CRADD: variants seen among roughly 807,000 people sequenced by gnomAD.
CRADD encodes CARD and death domain containing adaptor protein.
CRADD carries 9 observed loss-of-function variants against 15.5 expected under a neutral mutation model. That is an observed-to-expected ratio of 0.58 (90% CI 0.35 to 1.01). The LOEUF is 1.01. CRADD is among the 50% of genes least tolerant of loss of function. CRADD has a pLI of 0.02. For synonymous variants in CRADD, 118 were observed against 107.6 expected (o/e 1.10, Z -0.60); for missense variants, 227 against 250.3 (o/e 0.91, Z 0.63).
At chr12:93,744,200 G>A (rs1306660754) in intron 2 of CRADD, among the ~76,000 whole-genome samples, 2 of 152,218 alleles carry the variant, frequency 1.3e-5, no homozygotes, top group African/African-American at 4.8e-5. Context: ...GGGAGCAGCA[G>A]GCCTGGACTT....
chr12:93,839,590 C>T (rs1293716902), intron 2 of CRADD, among the ~76,000 whole-genome samples: 3 of 152,216 alleles, frequency 2.0e-5, no homozygotes, highest in Admixed American at 6.5e-5. Flanking sequence ...CTCTACATCA[C>T]GTCCCAGCCT....
chr12:93,781,693 C>G (rs1240431124), intron 2 of CRADD, among the ~76,000 whole-genome samples: 3 of 152,200 alleles, frequency 2.0e-5, no homozygotes, highest in South Asian at 2.1e-4. Flanking sequence ...CGAGGCTGAA[C>G]CAGAAGCTCA....
intron 2 of CRADD, among the ~76,000 whole-genome samples, chr12:93,889,105 C>T (rs1958558066): frequency 1.3e-5 from 2 of 152,136 alleles, no homozygotes; most frequent in Non-Finnish European, 2.9e-5. Flanking sequence ...CCAAGGCTGA[C>T]ATCATGTGAC....
At chr12:93,681,039 C>T (rs996357198) in intron 2 of CRADD, among the ~76,000 whole-genome samples, 5 of 152,120 alleles carry the variant, frequency 3.3e-5, no homozygotes, top group African/African-American at 1.2e-4. Context: ...CATGTGCCAC[C>T]ATGCTCGGCT....
intron 2 of CRADD, chr12:93,738,697 T>C (rs1012590847): frequency 1.2e-5 from 5 of 425,756 alleles, no homozygotes; most frequent in Non-Finnish European, 2.1e-5. Flanking sequence ...TCATAAATAA[T>C]GGAAATCTTA....
At position 93,713,328 on chromosome 12, in the gene CRADD, G is replaced by A. The variant is rs371046685; in HGVS notation, c.298+34256G>A. ...CAGACTTGTGCTGTTCAATATGGTT[G>A]CACGTAGCTATGTGTGGCCATTGAG... is the stretch of plus-strand genomic sequence containing the variant. On this transcript the variant is annotated intron_variant, in intron 2 of 2. Coordinates refer to ENST00000332896, the MANE Select transcript of CRADD (RefSeq NM_003805.5). 1.1e-4 allele frequency among the ~76,000 whole-genome samples: 16 copies of A among 152,072 alleles called. No individual in the cohort carries two copies. In the East Asian group the frequency reaches 3.1e-3, roughly 29 times the overall value.
chr12:93,742,895 G>T (rs1308920834), intron 2 of CRADD, among the ~76,000 whole-genome samples: 1 of 152,138 alleles, frequency 6.6e-6, no homozygotes, highest in Non-Finnish European at 1.5e-5. Flanking sequence ...ATCAGGAGGG[G>T]GGTCAGGCTG....
chr12:93,765,478 G>C (rs957585428), intron 2 of CRADD, among the ~76,000 whole-genome samples: 1 of 152,124 alleles, frequency 6.6e-6, no homozygotes, highest in Non-Finnish European at 1.5e-5. Context: ...GTTTCCTGGA[G>C]CTGTAATTTT....
chr12:93,812,571 A>G (rs370176523), intron 2 of CRADD, among the ~76,000 whole-genome samples: 6 of 152,294 alleles, frequency 3.9e-5, no homozygotes, highest in African/African-American at 1.4e-4. Context: ...TCATTTAGAC[A>G]TAGTTTCTTT....
Position 93,678,814 on chromosome 12 carries a change from C to G in CRADD, c.40C>G (p.Leu14Val), listed in dbSNP as rs752375108. 1.9e-6 allele frequency: 3 copies of G among 1,614,176 alleles called. No homozygotes were observed. In the East Asian group the frequency reaches 6.7e-5, roughly 36 times the overall value. ...RDKQVLRSLRLELGAEVLVEG... is the reference protein window; with the variant it reads ...RDKQVLRSLRVELGAEVLVEG... ...CAAACAAGTACTCCGCTCACTTCGC[C>G]TGGAGCTGGGTGCAGAGGTATTGGT... is the stretch of plus-strand genomic sequence containing the variant. Residue 14 changes from leucine to valine, a missense_variant, in exon 2 of 3, where the codon CTG (leucine) becomes GTG (valine). Coordinates refer to ENST00000332896, the MANE Select transcript of CRADD (RefSeq NM_003805.5).
chr12:93,846,760 C>G (rs1169482566), intron 2 of CRADD, among the ~76,000 whole-genome samples: 1 of 152,080 alleles, frequency 6.6e-6, no homozygotes, highest in Non-Finnish European at 1.5e-5. Flanking sequence ...AACCATGTGA[C>G]CCAGGAAGAT....
At chr12:93,827,875 C>G (rs1434639412) in intron 2 of CRADD, among the ~76,000 whole-genome samples, 1 of 152,170 alleles carries the variant, frequency 6.6e-6, no homozygotes, top group African/African-American at 2.4e-5. Flanking sequence ...AACAGCAACT[C>G]CTCATTTCCC....
At chr12:93,849,549 T>A (rs935493161) in intron 2 of CRADD, among the ~76,000 whole-genome samples, 1 of 152,104 alleles carries the variant, frequency 6.6e-6, no homozygotes, top group Non-Finnish European at 1.5e-5. Flanking sequence ...AAGACCAGCC[T>A]GGCCAACATG....
chr12:93,882,792 C>G (rs184446957), intron 2 of CRADD, among the ~76,000 whole-genome samples: 1 of 152,238 alleles, frequency 6.6e-6, no homozygotes, highest in Non-Finnish European at 1.5e-5. Context: ...AAGCAGGTTT[C>G]CTGGAGCCTT....
chr12:93,859,224 T>C (rs1958299779), intron 2 of CRADD: 3 of 439,958 alleles, frequency 6.8e-6, no homozygotes, highest in African/African-American at 2.0e-5. Context: ...AGTGCTTTCA[T>C]TTTTTAAAAT....
downstream of CRADD, among the ~76,000 whole-genome samples, chr12:93,852,141 G>C (rs1958230060): frequency 6.6e-6 from 1 of 152,214 alleles, no homozygotes. Context: ...CATCTTCAGT[G>C]AATCACTTGT....
intron 2 of CRADD, among the ~76,000 whole-genome samples, chr12:93,863,753 A>C (rs1477986017): frequency 6.6e-6 from 1 of 152,128 alleles, no homozygotes; most frequent in Non-Finnish European, 1.5e-5. Flanking sequence ...CCAAAATACC[A>C]GTAACACCCC....
At chr12:93,792,519 A>G (rs1444216824) in intron 2 of CRADD, among the ~76,000 whole-genome samples, 1 of 152,186 alleles carries the variant, frequency 6.6e-6, no homozygotes, top group Non-Finnish European at 1.5e-5. Context: ...TCTACCACTT[A>G]GGAAGATTTC....
At chr12:93,861,845 A>G (rs1012002725) in intron 2 of CRADD, among the ~76,000 whole-genome samples, 26 of 152,132 alleles carry the variant, frequency 1.7e-4, no homozygotes, top group African/African-American at 6.3e-4. Context: ...TTTTTTGAAG[A>G]CAGGGTGATA....
Sources: allele counts gnomAD v4.1 joint callset (sites outside exome capture counted in the v4.1 genomes callset), GRCh38; gene constraint gnomAD v4.1.1; transcripts MANE v1.5; gene names NCBI Gene and HGNC (gene_info 2026-07-23, HGNC 2026-07-21).